Variants in MAP4K3 observed in about 807,000 individuals in gnomAD.
MAP4K3 encodes MAPK/ERK kinase kinase kinase 3.
Under a neutral mutation model 143.5 loss-of-function variants are expected in MAP4K3, and 94 were observed. The observed-to-expected ratio is 0.65, with a 90% CI of 0.55 to 0.78. MAP4K3 has a LOEUF of 0.78. Among genes scored for constraint, MAP4K3 ranks in the 30% least tolerant of loss-of-function variants. MAP4K3 has a pLI of 0.00. For synonymous variants in MAP4K3, 416 were observed against 347.2 expected, an observed-to-expected ratio of 1.20 and a Z score of -2.20; for missense variants, 1,077 against 1,068.1, an observed-to-expected ratio of 1.01 and a Z score of -0.12.
intron 31 of MAP4K3, among the ~76,000 whole-genome samples, chr2:39,257,771 C>T (rs1169085414): frequency 2.7e-5 from 4 of 146,658 alleles, no homozygotes; most frequent in African/African-American, 1.0e-4. Context: ...TGCACTCCAG[C>T]CTGGGTGGCA....
intron 1 of MAP4K3, among the ~76,000 whole-genome samples, chr2:39,403,160 G>T (rs1666994003): frequency 6.6e-6 from 1 of 152,054 alleles, no homozygotes; most frequent in Non-Finnish European, 1.5e-5. Flanking sequence ...AAAATGAAAA[G>T]AATACTTCTC....
chr2:39,349,134 A>G (rs1665378916), intron 3 of MAP4K3, among the ~76,000 whole-genome samples: 1 of 152,198 alleles, frequency 6.6e-6, no homozygotes. Context: ...TGCTGACCAA[A>G]GCAATGGCTA....
chr2:39,274,422 G>A (rs959323838), intron 24 of MAP4K3, among the ~76,000 whole-genome samples: 7 of 151,732 alleles, frequency 4.6e-5, no homozygotes, highest in South Asian at 4.2e-4. Context: ...GGGTTTCACC[G>A]TGTTAGCCAG....
intron 16 of MAP4K3, among the ~76,000 whole-genome samples, chr2:39,297,397 CG>C (rs1209119005): frequency 6.6e-6 from 1 of 152,086 alleles, no homozygotes; most frequent in East Asian, 1.9e-4. Flanking sequence ...GGATTACAGG[CG>C]TGAGTCACCA....
At chr2:39,401,661 C>T (rs1007926830) in intron 1 of MAP4K3, among the ~76,000 whole-genome samples, 8 of 151,998 alleles carry the variant, frequency 5.3e-5, no homozygotes, top group Admixed American at 1.3e-4. Flanking sequence ...AAAAGCCAGG[C>T]ATGGTGGCCC....
At chr2:39,342,554 C>A (rs1015640335) in intron 4 of MAP4K3, among the ~76,000 whole-genome samples, 6 of 152,104 alleles carry the variant, frequency 3.9e-5, no homozygotes, top group African/African-American at 1.4e-4. Flanking sequence ...CCTATTTCAA[C>A]TGTAATCCCA....
At chr2:39,284,161 T>G (rs975560356) in intron 21 of MAP4K3, among the ~76,000 whole-genome samples, 1 of 152,134 alleles carries the variant, frequency 6.6e-6, no homozygotes, top group Admixed American at 6.5e-5. Flanking sequence ...CTTTTTTTGT[T>G]GTTGTTTTTT....
At chr2:39,412,249 A>G (rs1398768508) in intron 1 of MAP4K3, among the ~76,000 whole-genome samples, 4 of 152,226 alleles carry the variant, frequency 2.6e-5, no homozygotes, top group Non-Finnish European at 5.9e-5. Context: ...TTGGATCTAC[A>G]GGAGATCGCG....
chr2:39,397,504 A>T (rs1270871485), intron 1 of MAP4K3, among the ~76,000 whole-genome samples: 2 of 152,218 alleles, frequency 1.3e-5, no homozygotes, highest in African/African-American at 4.8e-5. Flanking sequence ...TTATAATCAT[A>T]TTCTTAGAGA....
At chr2:39,428,411 C>T (rs1665164891) in intron 1 of MAP4K3, among the ~76,000 whole-genome samples, 1 of 152,194 alleles carries the variant, frequency 6.6e-6, no homozygotes, top group Non-Finnish European at 1.5e-5. Context: ...CAGTGGCTCA[C>T]GCCTGTAATC....
At chr2:39,309,395 A>T in intron 14 of MAP4K3, 66 bp downstream of exon 14, 1 of 1,247,668 alleles carries the variant, frequency 8.0e-7, no homozygotes, top group Non-Finnish European at 1.1e-6. Context: ...CAGTACTAAT[A>T]CATCACACAA....
intron 1 of MAP4K3, among the ~76,000 whole-genome samples, chr2:39,407,234 T>A (rs1667121619): frequency 6.6e-6 from 1 of 151,328 alleles, no homozygotes; most frequent in Non-Finnish European, 1.5e-5. Flanking sequence ...GCAAATAGCA[T>A]ATGAAAAAGA....
intron 1 of MAP4K3, among the ~76,000 whole-genome samples, chr2:39,424,584 C>A (rs1346768320): frequency 1.3e-5 from 2 of 151,924 alleles, no homozygotes; most frequent in Non-Finnish European, 2.9e-5. Flanking sequence ...AATCCCAGCA[C>A]TTTAGGAGGT....
At chr2:39,393,285 A>C (rs1666717014) in intron 1 of MAP4K3, among the ~76,000 whole-genome samples, 1 of 152,242 alleles carries the variant, frequency 6.6e-6, no homozygotes, top group Admixed American at 6.5e-5. Context: ...ATGTTTACAC[A>C]GCTGATGGTA....
intron 2 of MAP4K3, among the ~76,000 whole-genome samples, chr2:39,373,229 A>G (rs1374956855): frequency 6.6e-6 from 1 of 152,208 alleles, no homozygotes; most frequent in South Asian, 2.1e-4. Flanking sequence ...AATCAAAACT[A>G]TACCATGAGA....
intron 2 of MAP4K3, among the ~76,000 whole-genome samples, chr2:39,370,167 T>G (rs1666041509): frequency 6.6e-6 from 1 of 152,224 alleles, no homozygotes. Flanking sequence ...CTTTTTTATT[T>G]TGGAGCATTA....
intron 29 of MAP4K3, among the ~76,000 whole-genome samples, chr2:39,259,046 G>A (rs1218928945): frequency 6.9e-6 from 1 of 144,626 alleles, no homozygotes; most frequent in African/African-American, 2.5e-5. Flanking sequence ...AGGCCGAAAT[G>A]CTGTGGTGTG....
At chr2:39,337,653 A>C in intron 4 of MAP4K3, 72 bp from the exon 5 acceptor site, 1 of 1,004,416 alleles carries the variant, frequency 1.0e-6, no homozygotes, top group Non-Finnish European at 1.6e-6. Context: ...AAAGTTTTAC[A>C]AGTTTAAGCA....
chr2:39,432,680 G>A lies in MAP4K3; in HGVS notation c.96+4212C>T, dbSNP rs879375683. Among the ~76,000 whole-genome samples, 4 of 152,154 alleles carry A rather than the reference G, an allele frequency of 2.6e-5. No individual in the cohort carries two copies. The East Asian group carries it at 7.7e-4, about 29-fold the overall frequency. On this transcript the variant is annotated intron_variant, in intron 1 of 33. Coordinates refer to ENST00000263881, the MANE Select transcript of MAP4K3 (RefSeq NM_003618.4). ...TATAATGGAAGAATTAGTCTATGAT[G>A]ATATTAAATAGAACACCTTGAAAGA...
Sources: allele counts gnomAD v4.1 joint callset (sites outside exome capture counted in the v4.1 genomes callset), GRCh38; gene constraint gnomAD v4.1.1; transcripts MANE v1.5; gene names NCBI Gene and HGNC (gene_info 2026-07-23, HGNC 2026-07-21).